The following ONECUT2 variants were observed in gnomAD, a reference collection of about 807,000 sequenced individuals.
ONECUT2 encodes one cut domain family member 2.
In ONECUT2, 10 loss-of-function variants were observed where a neutral mutation model predicts 27.9. That is an observed-to-expected ratio of 0.36 (90% confidence interval 0.22 to 0.61). The LOEUF is 0.61. Ranked by LOEUF, ONECUT2 falls within the 20% of genes least tolerant of loss-of-function variation. ONECUT2 has a pLI of 0.73. For synonymous variants in ONECUT2, 334 were observed against 315.1 expected, an observed-to-expected ratio of 1.06 and a Z score of -0.64; for missense variants, 686 against 721.0, an observed-to-expected ratio of 0.95 and a Z score of 0.56.
rs1288308831 is a variant in ONECUT2 at position 57,485,218 on chromosome 18, T to C, written c.*8495T>C. 1 of 152,224 alleles carries C rather than the reference T, an allele frequency of 6.6e-6. No individual in the cohort carries two copies. The highest frequency in any genetic ancestry group is 1.5e-5 in the Non-Finnish European group (1 of 68,036). 9.4% of individuals were successfully genotyped at this position (152,224 alleles called of 1,614,324 possible). On this transcript the variant is annotated 3_prime_UTR_variant, in exon 2 of 2. Transcript: ENST00000491143. Reference sequence around the variant, plus strand: ...TCAGTATTTATCAAGAAAGGGAACTTGACCACCATTGGCACATGTGACATT... The same window carrying C: ...TCAGTATTTATCAAGAAAGGGAACTCGACCACCATTGGCACATGTGACATT...
rs1396255254 is a variant in ONECUT2, at chr18:57,484,497, C to T, written c.*7774C>T. On this transcript the variant is annotated 3_prime_UTR_variant, in exon 2 of 2. Transcript: ENST00000491143. ...TGTGTTTCTCTTATATGTTTGCTGT[C>T]TGCTCGACATGTTCAAGATGCGAGT... 2 of 152,628 alleles carry T rather than the reference C, an allele frequency of 1.3e-5. No homozygotes were observed. 9.5% of individuals were successfully genotyped at this position (152,628 alleles called of 1,614,324 possible). A position where few individuals can be genotyped will look rare whatever the true frequency, so the allele number is the denominator to read the frequency against.
In ONECUT2 at chr18:57,487,278, A is replaced by T. The variant is rs1260463906; in HGVS notation, c.*10555A>T. On this transcript the variant is annotated 3_prime_UTR_variant, in exon 2 of 2. Transcript: ENST00000491143. Reference sequence around the variant, plus strand: ...TTGCATTCCACAAATTGGGATCCTCATAACCCAAATATATCACCGTATGTG... The same window carrying T: ...TTGCATTCCACAAATTGGGATCCTCTTAACCCAAATATATCACCGTATGTG... 6.6e-6 allele frequency: 1 copy of T among 152,340 alleles called. No individual in the cohort carries two copies. The highest frequency in any genetic ancestry group is 6.5e-5 in the Admixed American group (1 of 15,274). The allele number at this position is 152,340 out of a possible 1,614,324, so 9.4% of individuals were successfully genotyped here.
At chr18:57,446,179 T>A (rs1038217724) in intron 1 of ONECUT2, among the ~76,000 whole-genome samples, 2 of 152,228 alleles carry the variant, frequency 1.3e-5, no homozygotes, top group African/African-American at 4.8e-5. Flanking sequence ...CTCTGGGCCC[T>A]TTCCAGAGTT....
rs1380701730 is a variant in ONECUT2, at chr18:57,478,518, C to T, written c.*1795C>T. 6.6e-6 allele frequency: 1 copy of T among 152,572 alleles called. No homozygotes were observed. Among genetic ancestry groups the T allele is most frequent in the African/African-American group, 2.4e-5 (1 of 41,426 alleles). 9.5% of individuals were successfully genotyped at this position (152,572 alleles called of 1,614,324 possible). On this transcript the variant is annotated 3_prime_UTR_variant, in exon 2 of 2. Coordinates refer to ENST00000491143, the MANE Select transcript of ONECUT2 (RefSeq NM_004852.3). ...AGAAGGAAGCACGCCAGAAAATAAACGAAAACAAAAACAGGGAGACACACT... is the reference window on the plus strand; with the variant it reads ...AGAAGGAAGCACGCCAGAAAATAAATGAAAACAAAAACAGGGAGACACACT...
In ONECUT2 at chr18:57,486,558, T is replaced by C. The variant is rs1373752579; in HGVS notation, c.*9835T>C. ...AATAGTGTTTAGAGTAATGTTATTA[T>C]AGCGTATGTAATAAATTATTCACTG... On this transcript the variant is annotated 3_prime_UTR_variant, in exon 2 of 2. Transcript: ENST00000491143. 3 of 152,584 alleles carry C rather than the reference T, an allele frequency of 2.0e-5. No individual in the cohort carries two copies. Among genetic ancestry groups the C allele is most frequent in the African/African-American group, 7.2e-5 (3 of 41,438 alleles). 9.5% of individuals were successfully genotyped at this position (152,584 alleles called of 1,614,324 possible). A position where few individuals can be genotyped will look rare whatever the true frequency, so the allele number is the denominator to read the frequency against.
chr18:57,484,175 A>G lies in ONECUT2; in HGVS notation c.*7452A>G, dbSNP rs1056351739. 2 of 152,760 alleles carry G rather than the reference A, an allele frequency of 1.3e-5. No individual in the cohort carries two copies. Among genetic ancestry groups the G allele is most frequent in the Non-Finnish European group, 2.9e-5 (2 of 68,044 alleles). The allele number at this position is 152,760 out of a possible 1,614,324, so 9.5% of individuals were successfully genotyped here. ...CTCTGTGTGTATGTAAAGCAACAAA[A>G]CAAAAAAGGAAAAAAACAAAAAGCA... On this transcript the variant is annotated 3_prime_UTR_variant, in exon 2 of 2. Transcript: ENST00000491143.
rs977311050 is a variant in ONECUT2, at chr18:57,481,963, T to C, written c.*5240T>C. ...CCTAACCAGGAAGAGTAAGTGGAAA[T>C]GGTAGATGAAGAAGGGGTAGAGCTG... On this transcript the variant is annotated 3_prime_UTR_variant, in exon 2 of 2. Transcript: ENST00000491143. 2 of 152,282 alleles carry C rather than the reference T, an allele frequency of 1.3e-5. No individual in the cohort carries two copies. Among genetic ancestry groups the C allele is most frequent in the East Asian group, 1.9e-4 (1 of 5,176 alleles). 9.4% of individuals were successfully genotyped at this position (152,282 alleles called of 1,614,324 possible).
intron 1 of ONECUT2, among the ~76,000 whole-genome samples, chr18:57,469,073 A>G (rs910978069): frequency 4.6e-5 from 7 of 152,158 alleles, no homozygotes; most frequent in African/African-American, 7.2e-5. Context: ...TACAAATGTG[A>G]ACCTACTTTT....
Position 57,436,042 on chromosome 18 carries a change from G to A in ONECUT2, c.326G>A (p.Ser109Asn). 6.3e-7 allele frequency: 1 copy of A among 1,584,342 alleles called. No individual in the cohort carries two copies. Among genetic ancestry groups the A allele is most frequent in the Non-Finnish European group, 8.5e-7 (1 of 1,171,084 alleles). ...GCGTCGCGCTCGGCCATGGTCACCA[G>A]CATGGCCTCGATCCTGGACGGCGGC... ...AAASRSAMVT[S>N]MASILDGGDY... The change falls in exon 1 of 2, where the codon AGC becomes AAC. Residue 109 changes from serine to asparagine, a missense_variant. Coordinates refer to ENST00000491143, the MANE Select transcript of ONECUT2 (RefSeq NM_004852.3). This position sits in a 1 kb window ranked among gnomAD's most constrained non-coding sequence, Gnocchi z 5.9.
At chr18:57,449,426 G>A (rs2050217862) in intron 1 of ONECUT2, among the ~76,000 whole-genome samples, 1 of 152,148 alleles carries the variant, frequency 6.6e-6, no homozygotes, top group African/African-American at 2.4e-5. Context: ...ATCAGCCCCA[G>A]CACATCATTT....
chr18:57,486,250 G>C lies in ONECUT2; in HGVS notation c.*9527G>C, dbSNP rs1369061810. On this transcript the variant is annotated 3_prime_UTR_variant, in exon 2 of 2. Coordinates refer to ENST00000491143, the MANE Select transcript of ONECUT2 (RefSeq NM_004852.3). The stretch of plus-strand genomic sequence containing the variant: ...CGATTTAGCCAGTCTGGACCTCTCT[G>C]TGCTTTTTTTAATTCTTCCTGTGAA... 1 of 152,616 alleles carries C rather than the reference G, an allele frequency of 6.6e-6. No homozygotes were observed. The highest frequency in any genetic ancestry group is 1.9e-4 in the East Asian group (1 of 5,196). 9.5% of individuals were successfully genotyped at this position (152,616 alleles called of 1,614,324 possible).
intron 1 of ONECUT2, among the ~76,000 whole-genome samples, chr18:57,469,246 G>A (rs1006076197): frequency 6.6e-6 from 1 of 152,150 alleles, no homozygotes; most frequent in South Asian, 2.1e-4. Context: ...GAGCTCTTCA[G>A]CTGAAAAGCG....
chr18:57,473,801 T>G (rs115320393), intron 1 of ONECUT2, among the ~76,000 whole-genome samples: 2,168 of 152,136 alleles, frequency 0.014, 47 homozygotes, highest in African/African-American at 0.05. Flanking sequence ...CAAGAGAGAG[T>G]AGACCTCAAA....
At chr18:57,462,402 A>C (rs1568122439) in intron 1 of ONECUT2, among the ~76,000 whole-genome samples, 1 of 152,168 alleles carries the variant, frequency 6.6e-6, no homozygotes, top group Non-Finnish European at 1.5e-5. Flanking sequence ...AAATTTTTTT[A>C]AGAGACAGGG....
In ONECUT2 at chr18:57,441,732, C is replaced by T. The variant is rs75732430; in HGVS notation, c.1228+4788C>T. Among the ~76,000 whole-genome samples the T allele has an allele frequency of 5.3e-3, 805 of 152,376 alleles. 8 individuals are homozygous for T. The highest frequency in any genetic ancestry group is 0.019 in the African/African-American group (782 of 41,598). Reference sequence around the variant, plus strand: ...CCTGCTAACGGCAGAGCTTAATCAGCCGCAGATCCCCTCCTATCCTCATCG... The same window carrying T: ...CCTGCTAACGGCAGAGCTTAATCAGTCGCAGATCCCCTCCTATCCTCATCG... On this transcript the variant is annotated intron_variant, in intron 1 of 1. Coordinates refer to ENST00000491143, the MANE Select transcript of ONECUT2 (RefSeq NM_004852.3).
At chr18:57,476,363 T>C (rs1598945065) in intron 1 of ONECUT2, 74 bp from the exon 2 acceptor site, 1 of 1,488,626 alleles carries the variant, frequency 6.7e-7, no homozygotes, top group South Asian at 1.3e-5. Context: ...TTGTACAACT[T>C]TGTCAATGTT....
rs1233171738 is a variant in ONECUT2 at position 57,481,792 on chromosome 18, G to T, written c.*5069G>T. 1 of 152,146 alleles carries T rather than the reference G, an allele frequency of 6.6e-6. No homozygotes were observed. The highest frequency in any genetic ancestry group is 1.5e-5 in the Non-Finnish European group (1 of 68,028). The allele number at this position is 152,146 out of a possible 1,614,324, so 9.4% of individuals were successfully genotyped here. The stretch of plus-strand genomic sequence containing the variant: ...GAAGAATAATGAACTCTATTAAAAA[G>T]TGGAGAAAAAGATAATACATGTGGT... On this transcript the variant is annotated 3_prime_UTR_variant, in exon 2 of 2. Coordinates refer to ENST00000491143, the MANE Select transcript of ONECUT2 (RefSeq NM_004852.3).
At chr18:57,464,535 G>A (rs1429105025) in intron 1 of ONECUT2, among the ~76,000 whole-genome samples, 1 of 151,940 alleles carries the variant, frequency 6.6e-6, no homozygotes, top group East Asian at 1.9e-4. Context: ...ATCTGAAATT[G>A]TCTTTGACTG....
In ONECUT2 at chr18:57,436,962, CA is replaced by C; in HGVS notation, c.1228+19del. ...CCTGGCAGGTAAGGCCGGGGCTAGC[CA>C]GGGGCCAGGCTGCTGGGAAGAGGGC... On this transcript the variant is annotated intron_variant, in intron 1 of 1. Coordinates refer to ENST00000491143, the MANE Select transcript of ONECUT2 (RefSeq NM_004852.3). The surrounding 1 kb of genome is among the most constrained non-coding windows in gnomAD (Gnocchi z 5.9). 1 of 1,560,616 alleles carries C rather than the reference CA, an allele frequency of 6.4e-7. No homozygotes were observed. Among genetic ancestry groups the C allele is most frequent in the Non-Finnish European group, 8.7e-7 (1 of 1,153,392 alleles).
Sources: allele counts gnomAD v4.1 joint callset (sites outside exome capture counted in the v4.1 genomes callset), GRCh38; gene constraint gnomAD v4.1.1; non-coding constraint Gnocchi (gnomAD v3.1); transcripts MANE v1.5; gene names NCBI Gene and HGNC (gene_info 2026-07-23, HGNC 2026-07-21).